The following STAB2 variants were observed in gnomAD, a reference collection of about 807,000 sequenced individuals.
The protein encoded by STAB2 is stabilin 2.
Under a neutral mutation model 338.1 loss-of-function variants are expected in STAB2, and 288 were observed. The ratio of observed to expected loss-of-function variants is 0.85; its 90% CI spans 0.77 to 0.94. The LOEUF (loss-of-function observed/expected upper bound fraction) is 0.94, where lower values mean the gene tolerates loss of function less well. Among genes scored for constraint, STAB2 ranks in the 40% least tolerant of loss-of-function variants. The pLI, the probability that STAB2 is intolerant of heterozygous loss-of-function variation, is 0.00. For missense variants in STAB2, 3,141 were observed against 3,210.1 expected, an observed-to-expected ratio of 0.98 and a Z score of 0.52; for synonymous variants, 1,202 against 1,193.3, an observed-to-expected ratio of 1.01 and a Z score of -0.15.
chr12:103,679,492 A>G (rs375194978), intron 25 of STAB2, among the ~76,000 whole-genome samples: 2 of 152,160 alleles, frequency 1.3e-5, no homozygotes, highest in Admixed American at 6.5e-5. Flanking sequence ...AACTGGTGGG[A>G]GATAGAAGCA....
At chr12:103,759,026 G>A (rs1044994363) in intron 64 of STAB2, 107 bp from the exon 65 acceptor site, 9 of 1,579,404 alleles carry the variant, frequency 5.7e-6, no homozygotes, top group Non-Finnish European at 7.8e-6. Flanking sequence ...ATGGAGGCAG[G>A]AAAGCCTAGG....
intron 5 of STAB2, among the ~76,000 whole-genome samples, chr12:103,624,961 A>G (rs905605294): frequency 2.3e-4 from 33 of 141,138 alleles, no homozygotes; most frequent in African/African-American, 8.4e-4. Flanking sequence ...AAAAAAAAAA[A>G]GGATATTGGT....
intron 3 of STAB2, among the ~76,000 whole-genome samples, chr12:103,609,030 T>C (rs556604532): frequency 6.6e-6 from 1 of 152,254 alleles, no homozygotes; most frequent in Non-Finnish European, 1.5e-5. Flanking sequence ...GGCTCTGTTC[T>C]GTTCCAATGG....
chr12:103,723,120 G>A (rs1880899432), intron 44 of STAB2, among the ~76,000 whole-genome samples: 1 of 152,152 alleles, frequency 6.6e-6, no homozygotes, highest in Non-Finnish European at 1.5e-5. Context: ...GCACAAGTGG[G>A]GCTCATCAAC....
At chr12:103,706,042 G>C (rs925221152) in intron 37 of STAB2, among the ~76,000 whole-genome samples, 2 of 152,192 alleles carry the variant, frequency 1.3e-5, no homozygotes, top group South Asian at 2.1e-4. Flanking sequence ...GCAAAAGAGA[G>C]AAAGTGTCCA....
chr12:103,660,532 A>T (rs1333913543), intron 16 of STAB2, 148 bp downstream of exon 16: 3 of 1,251,526 alleles, frequency 2.4e-6, no homozygotes, highest in Admixed American at 1.8e-5. Flanking sequence ...CCATTATCAG[A>T]GCGATCTTCA....
At chr12:103,606,396 GA>G (rs1167004146) in intron 3 of STAB2, among the ~76,000 whole-genome samples, 1 of 151,996 alleles carries the variant, frequency 6.6e-6, no homozygotes, top group Admixed American at 6.6e-5. Flanking sequence ...TAAAATATTG[GA>G]AAAATATATT....
At chr12:103,612,582 T>C (rs1957142142) in intron 3 of STAB2, among the ~76,000 whole-genome samples, 1 of 152,194 alleles carries the variant, frequency 6.6e-6, no homozygotes, top group East Asian at 1.9e-4. Flanking sequence ...TAGTTAGCCA[T>C]TCATCTAGTC....
intron 26 of STAB2, among the ~76,000 whole-genome samples, chr12:103,683,961 G>A (rs985802356): frequency 6.6e-6 from 1 of 152,142 alleles, no homozygotes; most frequent in African/African-American, 2.4e-5. Flanking sequence ...AGGACCCCCA[G>A]GGTAGCTCTG....
chr12:103,703,550 G>A (rs977363302), intron 35 of STAB2, among the ~76,000 whole-genome samples: 2 of 152,140 alleles, frequency 1.3e-5, no homozygotes, highest in Non-Finnish European at 2.9e-5. Flanking sequence ...GGATGGTGGG[G>A]GGGAGTGGTG....
chr12:103,707,098 G>A, intron 38 of STAB2, 111 bp downstream of exon 38: 1 of 1,210,554 alleles, frequency 8.3e-7, no homozygotes, highest in Non-Finnish European at 1.1e-6. Flanking sequence ...GCCCCAAGTG[G>A]GCTGGAATCC....
In STAB2 at chr12:103,755,709, C is replaced by A. The variant is rs767453206; in HGVS notation, c.6978C>A (p.Asn2326Lys). The A allele has an allele frequency of 2.5e-6, 4 of 1,614,146 alleles. No individual in the cohort carries two copies. Among genetic ancestry groups the A allele is most frequent in the South Asian group, 2.2e-5 (2 of 91,082 alleles). Residue 2326 changes from asparagine (N) to lysine (K), a missense_variant, in exon 63 of 69, where the codon AAC (asparagine) becomes AAA (lysine). By Grantham distance (94) the Asn-to-Lys change is moderately conservative. Transcript: ENST00000388887. ...TGATGTCCTTCCCCTCACTCACAAACTTCCTGACGGTATGTACCATGTCTG... is the reference window on the plus strand; with the variant it reads ...TGATGTCCTTCCCCTCACTCACAAAATTCCTGACGGTATGTACCATGTCTG... Reference protein sequence around the residue: ...QVLMSFPSLTNFLTEVLAYSN... With the variant: ...QVLMSFPSLTKFLTEVLAYSN...
At chr12:103,601,748 C>T (rs1263411286) in intron 3 of STAB2, among the ~76,000 whole-genome samples, 5 of 151,988 alleles carry the variant, frequency 3.3e-5, no homozygotes, top group Admixed American at 6.5e-5. Flanking sequence ...AAAGATTTCT[C>T]GATTGAAAGT....
In STAB2 at chr12:103,731,025, C is replaced by T. The variant is rs779971309; in HGVS notation, c.5224-551C>T. 3.3e-5 allele frequency among the ~76,000 whole-genome samples: 5 copies of T among 152,264 alleles called. No individual in the cohort carries two copies. The South Asian group carries it at 1.0e-3, about 32-fold the overall frequency. On this transcript the variant is annotated intron_variant, in intron 49 of 68. Transcript: ENST00000388887. Reference sequence around the variant, plus strand: ...AGGGCAGTGACCTGAGATCATGCTACTGCACTCTAGTCTGGGCAACCAGAG... The same window carrying T: ...AGGGCAGTGACCTGAGATCATGCTATTGCACTCTAGTCTGGGCAACCAGAG...
rs139436354 is a variant in STAB2 at position 103,735,504 on chromosome 12, A to G, written c.5474A>G (p.Asp1825Gly). Residue 1825 changes from aspartate (D) to glycine (G), a missense_variant, in exon 52 of 69, where the codon GAT (aspartate) becomes GGT (glycine). Asp to Gly is a moderately conservative substitution (Grantham distance 94). Coordinates refer to ENST00000388887, the MANE Select transcript of STAB2 (RefSeq NM_017564.10). ...TCACTCCTACAGGTTTTAGCTGTGGATCTTCCCACATCCACTGCCTGGAAG... is the reference window on the plus strand; with the variant it reads ...TCACTCCTACAGGTTTTAGCTGTGGGTCTTCCCACATCCACTGCCTGGAAG... Reference protein sequence around the residue: ...VIRDAKVLAVDLPTSTAWKTL... With the variant: ...VIRDAKVLAVGLPTSTAWKTL... The G allele has an allele frequency of 8.1e-6, 13 of 1,608,818 alleles. 1 individual carries two copies. The African/African-American group carries it at 1.6e-4, about 20-fold the overall frequency.
In STAB2 at chr12:103,745,260, C is replaced by T. The variant is rs1327618835; in HGVS notation, c.6119C>T (p.Ser2040Leu). ...CLCETGWTGP[S>L]CDTQAVLPAV... ...TGTGAAACGGGGTGGACAGGCCCCT[C>T]GTGTGACACTCAGGCAGGTCAGTCA... The change falls in exon 57 of 69, where the codon TCG becomes TTG. Residue 2040 changes from serine (S) to leucine (L), a missense_variant. By Grantham distance (145) the Ser-to-Leu change is moderately radical (BLOSUM62 -2). Coordinates refer to ENST00000388887, the MANE Select transcript of STAB2 (RefSeq NM_017564.10). The T allele has an allele frequency of 3.7e-6, 6 of 1,613,542 alleles. No homozygotes were observed. Among genetic ancestry groups the T allele is most frequent in the East Asian group, 2.2e-5 (1 of 44,872 alleles).
At chr12:103,732,731 C>G (rs927794482) in intron 50 of STAB2, among the ~76,000 whole-genome samples, 1 of 151,818 alleles carries the variant, frequency 6.6e-6, no homozygotes, top group Non-Finnish European at 1.5e-5. Context: ...CTTGAACCCA[C>G]GAGGTTGAAG....
At chr12:103,736,772 C>T (rs1214545758) in intron 52 of STAB2, among the ~76,000 whole-genome samples, 1 of 152,088 alleles carries the variant, frequency 6.6e-6, no homozygotes, top group African/African-American at 2.4e-5. Flanking sequence ...AGGCTTTAAC[C>T]ACAGTTTTCT....
At chr12:103,700,631 T>C (rs889447649) in intron 34 of STAB2, among the ~76,000 whole-genome samples, 1 of 152,338 alleles carries the variant, frequency 6.6e-6, no homozygotes, top group Non-Finnish European at 1.5e-5. Context: ...TTGACAGAGC[T>C]TCGTTTTTGC....
Sources: gnomAD v4.1 joint callset for allele counts (sites outside exome capture counted in the v4.1 genomes callset) on GRCh38, gnomAD v4.1.1 for gene constraint, MANE v1.5 for transcripts, NCBI Gene and HGNC (gene_info 2026-07-23, HGNC 2026-07-21) for gene names.